The following SPOCK1 variants were observed in gnomAD, a reference collection of about 807,000 sequenced individuals.
SPOCK1 encodes the protein SPARC (osteonectin), cwcv and kazal like domains proteoglycan 1.
Under a neutral mutation model 55.3 loss-of-function variants are expected in SPOCK1, and 23 were observed. The ratio of observed to expected loss-of-function variants is 0.42; its 90% CI spans 0.30 to 0.59. SPOCK1 has a LOEUF of 0.59. Ranked by LOEUF, SPOCK1 falls within the 20% of genes least tolerant of loss-of-function variation. SPOCK1 has a pLI of 0.22. For synonymous variants in SPOCK1, 226 were observed against 221.0 expected, an observed-to-expected ratio of 1.02 and a Z score of -0.20; for missense variants, 499 against 552.5, an observed-to-expected ratio of 0.90 and a Z score of 0.97.
chr5:137,123,281 A>G (rs1753721100), intron 4 of SPOCK1, among the ~76,000 whole-genome samples: 1 of 152,084 alleles, frequency 6.6e-6, no homozygotes, highest in South Asian at 2.1e-4. Flanking sequence ...GGTAGTCAAG[A>G]ACTCTGGCTA....
intron 2 of SPOCK1, among the ~76,000 whole-genome samples, chr5:137,443,323 CCT>C (rs1561537117): frequency 6.6e-6 from 1 of 152,152 alleles, no homozygotes; most frequent in Admixed American, 6.5e-5. Flanking sequence ...TCTCCTCCTC[CCT>C]CTTTCTTTGG....
At chr5:137,229,883 T>C (rs1756015968) in intron 3 of SPOCK1, among the ~76,000 whole-genome samples, 1 of 152,134 alleles carries the variant, frequency 6.6e-6, no homozygotes, top group Non-Finnish European at 1.5e-5. Flanking sequence ...ATACCGCAAC[T>C]GATCTGACAG....
intron 3 of SPOCK1, among the ~76,000 whole-genome samples, chr5:137,161,121 T>A (rs2127051989): frequency 6.8e-6 from 1 of 147,020 alleles, no homozygotes; most frequent in South Asian, 2.1e-4. Flanking sequence ...ATATAATATA[T>A]ATAATATTCC....
Position 137,067,721 on chromosome 5 carries a change from T to C in SPOCK1, c.583A>G (p.Arg195Gly), listed in dbSNP as rs573965610. The change falls in exon 6 of 11, where the codon AGG becomes GGG. Residue 195 changes from arginine to glycine, a missense_variant. Physicochemically the swap from Arg to Gly is moderately radical, Grantham distance 125 (BLOSUM62 -2). Transcript: ENST00000394945. ...GAAGGAAACCCTCACTCACCACTCC[T>C]TTCTGCCTTGTGCTTTGGTGGCTCA... is the stretch of plus-strand genomic sequence containing the variant. The part of the protein sequence containing the change: ...EPEPPKHKAE[R>G]SACTDKELRN... 10 of 1,614,022 alleles carry C rather than the reference T, an allele frequency of 6.2e-6. 1 individual carries two copies. In the Middle Eastern group the frequency reaches 8.3e-4, roughly 133 times the overall value.
intron 2 of SPOCK1, among the ~76,000 whole-genome samples, chr5:137,309,369 C>T (rs1757751655): frequency 6.6e-6 from 1 of 152,290 alleles, no homozygotes; most frequent in Non-Finnish European, 1.5e-5. Context: ...CCTCTGTGGG[C>T]TCCTCTTGGC....
chr5:137,266,579 G>A (rs909223589), intron 3 of SPOCK1, among the ~76,000 whole-genome samples: 6 of 152,072 alleles, frequency 3.9e-5, no homozygotes, highest in South Asian at 2.1e-4. Context: ...AAATAAAATC[G>A]CAGTACCCTT....
chr5:137,244,139 TAAAG>T (rs1298606282), intron 3 of SPOCK1, among the ~76,000 whole-genome samples: 3 of 152,130 alleles, frequency 2.0e-5, no homozygotes, highest in Middle Eastern at 3.2e-3. Context: ...TCATGTGTAA[TAAAG>T]AAAGGCACAT....
intron 3 of SPOCK1, among the ~76,000 whole-genome samples, chr5:137,157,749 T>C (rs1285005634): frequency 6.6e-6 from 1 of 152,270 alleles, no homozygotes; most frequent in Middle Eastern, 3.4e-3. Context: ...CTGGGAACAG[T>C]TTTTAGATGG....
intron 5 of SPOCK1, among the ~76,000 whole-genome samples, chr5:137,093,935 C>T (rs575871026): frequency 2.9e-4 from 44 of 152,278 alleles, no homozygotes; most frequent in African/African-American, 1.1e-3. Flanking sequence ...CTCAGCTGCT[C>T]TGTGAAGAAC....
chr5:137,442,715 G>A (rs911338808), intron 2 of SPOCK1, among the ~76,000 whole-genome samples: 4 of 152,226 alleles, frequency 2.6e-5, no homozygotes, highest in African/African-American at 7.2e-5. Flanking sequence ...ATATTAAACA[G>A]GGAGGCATGT....
chr5:137,219,011 G>A (rs1755795729), intron 3 of SPOCK1, among the ~76,000 whole-genome samples: 1 of 152,172 alleles, frequency 6.6e-6, no homozygotes, highest in African/African-American at 2.4e-5. Flanking sequence ...CCTGCAAGGG[G>A]GAACCTTAAG....
chr5:137,114,707 T>C (rs1753544642), intron 4 of SPOCK1, among the ~76,000 whole-genome samples: 1 of 152,208 alleles, frequency 6.6e-6, no homozygotes, highest in African/African-American at 2.4e-5. Context: ...AGCAGAACAC[T>C]AGACTTAATC....
intron 2 of SPOCK1, among the ~76,000 whole-genome samples, chr5:137,363,875 C>A (rs890043509): frequency 6.6e-6 from 1 of 152,250 alleles, no homozygotes; most frequent in East Asian, 1.9e-4. Context: ...TGGGGACAGG[C>A]TTGAGATGCA....
chr5:137,207,562 A>G lies in SPOCK1; in HGVS notation c.232+59448T>C, dbSNP rs1035980740. Among the ~76,000 whole-genome samples the G allele has an allele frequency of 2.0e-5, 3 of 152,130 alleles. No homozygotes were observed. The South Asian group carries it at 6.2e-4, about 32-fold the overall frequency. On this transcript the variant is annotated intron_variant, in intron 3 of 10. Transcript: ENST00000394945. ...CTGGGTTGCCTCCTCTGCCAGTGTG[A>G]GATGGTAAATGGAGACACCACTGTG...
intron 2 of SPOCK1, among the ~76,000 whole-genome samples, chr5:137,280,929 C>T (rs540482611): frequency 1.3e-5 from 2 of 152,104 alleles, no homozygotes; most frequent in South Asian, 4.1e-4. Flanking sequence ...TGCTGGAAGC[C>T]TCAACCATCC....
intron 6 of SPOCK1, among the ~76,000 whole-genome samples, chr5:137,032,926 A>G (rs1197953572): frequency 6.6e-6 from 1 of 152,128 alleles, no homozygotes. Flanking sequence ...GTGTAAAGGG[A>G]TTCTTCTGTT....
intron 2 of SPOCK1, among the ~76,000 whole-genome samples, chr5:137,421,499 T>C (rs1247272770): frequency 1.3e-5 from 2 of 152,234 alleles, no homozygotes; most frequent in South Asian, 2.1e-4. Flanking sequence ...GGTGCATATA[T>C]ATTTATGGTA....
At chr5:137,038,681 A>G (rs1751930391) in intron 6 of SPOCK1, among the ~76,000 whole-genome samples, 1 of 152,218 alleles carries the variant, frequency 6.6e-6, no homozygotes, top group African/African-American at 2.4e-5. Context: ...CAGATTGACA[A>G]TGACATGAGC....
chr5:137,043,134 C>T (rs920007364), intron 6 of SPOCK1, among the ~76,000 whole-genome samples: 3 of 152,096 alleles, frequency 2.0e-5, no homozygotes, highest in Non-Finnish European at 4.4e-5. Context: ...AAATACACCA[C>T]AGTGGGGGTA....
Sources: allele counts gnomAD v4.1 joint callset (sites outside exome capture counted in the v4.1 genomes callset), GRCh38; gene constraint gnomAD v4.1.1; transcripts MANE v1.5; gene names NCBI Gene and HGNC (gene_info 2026-07-23, HGNC 2026-07-21).